The following ASCC1 variants were observed in gnomAD, a reference collection of about 807,000 sequenced individuals.
ASCC1 encodes the protein ASC-1 complex subunit P50.
A neutral mutation model predicts 46.6 loss-of-function variants in ASCC1; 35 were observed. The observed-to-expected ratio is 0.75, with a 90% CI of 0.57 to 0.99. The LOEUF (loss-of-function observed/expected upper bound fraction) is 0.99, where lower values mean the gene tolerates loss of function less well. ASCC1 is among the 50% of genes least tolerant of loss of function. ASCC1 has a pLI of 0.00. For missense variants in ASCC1, 376 were observed against 428.7 expected, an observed-to-expected ratio of 0.88 and a Z score of 1.09; for synonymous variants, 143 against 146.6, an observed-to-expected ratio of 0.98 and a Z score of 0.18.
intron 5 of ASCC1, among the ~76,000 whole-genome samples, chr10:72,192,233 A>C (rs923353060): frequency 1.3e-5 from 2 of 152,026 alleles, no homozygotes; most frequent in Admixed American, 1.3e-4. Flanking sequence ...AGGCAGGTGG[A>C]TCACGAGGTC....
chr10:72,187,613 G>A (rs150207315), intron 5 of ASCC1, among the ~76,000 whole-genome samples: 46 of 151,384 alleles, frequency 3.0e-4, no homozygotes, highest in African/African-American at 1.1e-3. Flanking sequence ...CCAGCTACTC[G>A]GGAAGCTGAG....
intron 9 of ASCC1, among the ~76,000 whole-genome samples, chr10:72,125,143 T>C (rs1283784608): frequency 1.3e-5 from 2 of 152,216 alleles, no homozygotes; most frequent in Admixed American, 6.5e-5. Context: ...CCAATTTTCT[T>C]CATGGAGTAG....
intron 5 of ASCC1, chr10:72,190,543 G>A: frequency 6.7e-7 from 1 of 1,487,362 alleles, no homozygotes. Context: ...CTTGGAGAAG[G>A]CGCAATACTC....
chr10:72,192,637 A>C (rs897166942), intron 5 of ASCC1, among the ~76,000 whole-genome samples: 1 of 151,990 alleles, frequency 6.6e-6, no homozygotes, highest in Non-Finnish European at 1.5e-5. Context: ...GGGATTACAG[A>C]TGTACACCAC....
intron 5 of ASCC1, among the ~76,000 whole-genome samples, chr10:72,165,854 T>C (rs112700516): frequency 1.2e-4 from 19 of 152,354 alleles, no homozygotes; most frequent in African/African-American, 4.3e-4. Context: ...ATTATTTTAA[T>C]ATGCACAACT....
intron 5 of ASCC1, among the ~76,000 whole-genome samples, chr10:72,192,418 G>C (rs1370665443): frequency 6.8e-6 from 1 of 146,160 alleles, no homozygotes; most frequent in Non-Finnish European, 1.5e-5. Context: ...TCGAGCCATA[G>C]AACTCCAGCC....
chr10:72,203,391 T>C (rs770948980), intron 4 of ASCC1, 36 bp downstream of exon 4: 2 of 1,466,560 alleles, frequency 1.4e-6, no homozygotes, highest in South Asian at 1.1e-5. Flanking sequence ...CATGCAAAAG[T>C]GACTTCAAAT....
At chr10:72,194,805 C>T (rs1855115978) in intron 5 of ASCC1, among the ~76,000 whole-genome samples, 1 of 152,092 alleles carries the variant, frequency 6.6e-6, no homozygotes, top group South Asian at 2.1e-4. Context: ...GGCAAAGGTG[C>T]GATCTCGGCT....
intron 8 of ASCC1, among the ~76,000 whole-genome samples, chr10:72,132,230 T>C (rs754056188): frequency 6.6e-6 from 1 of 152,148 alleles, no homozygotes; most frequent in African/African-American, 2.4e-5. Context: ...CCGGAATACG[T>C]GACCTTGGTG....
At chr10:72,181,788 C>T (rs915830670) in intron 5 of ASCC1, among the ~76,000 whole-genome samples, 1 of 151,916 alleles carries the variant, frequency 6.6e-6, no homozygotes, top group Admixed American at 6.6e-5. Flanking sequence ...CGGGTTCAAG[C>T]GATTCTTGTG....
At chr10:72,099,376 C>A (rs1477623454) in intron 9 of ASCC1, among the ~76,000 whole-genome samples, 1 of 152,224 alleles carries the variant, frequency 6.6e-6, no homozygotes, top group African/African-American at 2.4e-5. Context: ...TAAATTCTCA[C>A]ATCCACTAAG....
chr10:72,142,459 C>G (rs1054620827), intron 7 of ASCC1, among the ~76,000 whole-genome samples: 3 of 151,928 alleles, frequency 2.0e-5, no homozygotes, highest in Non-Finnish European at 4.4e-5. Context: ...CTCCACCTCC[C>G]AGGCTCAGAC....
intron 5 of ASCC1, among the ~76,000 whole-genome samples, chr10:72,186,427 T>G (rs748179701): frequency 3.9e-5 from 6 of 152,264 alleles, no homozygotes; most frequent in Middle Eastern, 3.4e-3. Context: ...ATGAGGAAAC[T>G]CTCAGAGATG....
rs1845112634 is a variant in ASCC1, at chr10:72,128,166, A to G, written c.873T>C (p.Ala291=). 6.2e-7 allele frequency: 1 copy of G among 1,610,678 alleles called. No homozygotes were observed. Among genetic ancestry groups the G allele is most frequent in the Admixed American group, 1.7e-5 (1 of 60,002 alleles). ...MNTLFRKDPN[A]EGRYNLYTAE... is the part of the protein sequence containing the mutation. ...CTGTGTAGAGATTGTACCTGCCTTC[A>G]GCTGTAAATATTCCAAAGATAATGT... The change falls in exon 9 of 10, where the codon GCT becomes GCC. Residue 291 remains alanine (A), a splice_region_variant and synonymous_variant. Transcript: ENST00000672957.
intron 7 of ASCC1, among the ~76,000 whole-genome samples, chr10:72,145,152 C>T (rs1404531584): frequency 6.6e-6 from 1 of 152,306 alleles, no homozygotes; most frequent in East Asian, 1.9e-4. Flanking sequence ...AGTCTGCTGT[C>T]GTCATAATTG....
intron 9 of ASCC1, 111 bp downstream of exon 9, chr10:72,127,971 A>G (rs1047193669): frequency 3.4e-6 from 3 of 881,632 alleles, no homozygotes; most frequent in Non-Finnish European, 5.5e-6. Context: ...AAAAAAAAGT[A>G]TGAGAAAAAG....
chr10:72,202,209 G>C (rs1218971548), intron 4 of ASCC1, among the ~76,000 whole-genome samples: 1 of 152,108 alleles, frequency 6.6e-6, no homozygotes, highest in Admixed American at 6.6e-5. Context: ...GCTCACGCCT[G>C]TAATCCCAGC....
At chr10:72,108,688 C>G (rs1326591711) in intron 9 of ASCC1, among the ~76,000 whole-genome samples, 1 of 152,220 alleles carries the variant, frequency 6.6e-6, no homozygotes, top group Non-Finnish European at 1.5e-5. Context: ...CTCCCTCCCC[C>G]AATTTCTCCA....
chr10:72,102,518 G>A, intron 9 of ASCC1: 5 of 890,636 alleles, frequency 5.6e-6, no homozygotes, highest in Non-Finnish European at 9.0e-6. Flanking sequence ...AACCTTTTTT[G>A]TCTATGTTAC....
Sources: gnomAD v4.1 joint callset for allele counts (sites outside exome capture counted in the v4.1 genomes callset) on GRCh38, gnomAD v4.1.1 for gene constraint, MANE v1.5 for transcripts, NCBI Gene and HGNC (gene_info 2026-07-23, HGNC 2026-07-21) for gene names.